AGPAT3: variants seen among roughly 807,000 people sequenced by gnomAD.
AGPAT3 encodes the protein 1-acyl-sn-glycerol-3-phosphate acyltransferase gamma.
Under a neutral mutation model 47.3 loss-of-function variants are expected in AGPAT3, and 5 were observed. The ratio of observed to expected loss-of-function variants is 0.11; its 90% CI spans 0.06 to 0.22. The LOEUF (loss-of-function observed/expected upper bound fraction) is 0.22, where lower values mean the gene tolerates loss of function less well. Among genes scored for constraint, AGPAT3 ranks in the 10% least tolerant of loss-of-function variants. AGPAT3 has a pLI of 1.00. For synonymous variants in AGPAT3, 212 were observed against 208.3 expected, an observed-to-expected ratio of 1.02 and a Z score of -0.15; for missense variants, 315 against 493.0, an observed-to-expected ratio of 0.64 and a Z score of 3.42.
At position 43,929,419 on chromosome 21, in the gene AGPAT3, C is replaced by T. The variant is rs572941948; in HGVS notation, c.-49+25400C>T. 7.9e-5 allele frequency among the ~76,000 whole-genome samples: 12 copies of T among 152,346 alleles called. No individual in the cohort carries two copies. The East Asian group carries it at 1.7e-3, about 22-fold the overall frequency. ...TCCTGGAGCCTCTGCCACCACGGCC[C>T]GTGCTGACCCCAGAGCGAGTCAAAG... On this transcript the variant is annotated intron_variant, in intron 2 of 9. Transcript: ENST00000291572.
intron 1 of AGPAT3, among the ~76,000 whole-genome samples, chr21:43,894,395 A>AT (rs369924470): frequency 0.13 from 17,297 of 136,980 alleles, 1,981 homozygotes; most frequent in African/African-American, 0.32. Flanking sequence ...TGGGTTTTCT[A>AT]TTTTTTTTTT....
intron 3 of AGPAT3, chr21:43,966,788 C>G (rs568536426): frequency 4.6e-5 from 7 of 152,382 alleles, no homozygotes; most frequent in Admixed American, 4.6e-4. Flanking sequence ...CACTTCAGAG[C>G]TGGGCTGGTG....
At chr21:43,931,030 C>T (rs2146278457) in intron 2 of AGPAT3, among the ~76,000 whole-genome samples, 1 of 152,254 alleles carries the variant, frequency 6.6e-6, no homozygotes, top group South Asian at 2.1e-4. Flanking sequence ...GCGTGGGGCC[C>T]TGGGGTGGGT....
At chr21:43,878,367 C>T (rs1569041807) in intron 1 of AGPAT3, among the ~76,000 whole-genome samples, 1 of 152,242 alleles carries the variant, frequency 6.6e-6, no homozygotes, top group African/African-American at 2.4e-5. Flanking sequence ...TCTGTCTCTG[C>T]GGCCTGCCCG....
chr21:43,906,070 T>C (rs2086486312), intron 2 of AGPAT3, among the ~76,000 whole-genome samples: 1 of 152,230 alleles, frequency 6.6e-6, no homozygotes, highest in Non-Finnish European at 1.5e-5. Context: ...GTTCCCTTTC[T>C]GGGGACAGGG....
intron 1 of AGPAT3, 192 bp from the exon 2 acceptor site, chr21:43,903,765 T>C (rs8132847): frequency 0.11 from 16,167 of 152,392 alleles, 1,655 homozygotes; most frequent in African/African-American, 0.27. Flanking sequence ...GTGCCAGCAA[T>C]GCCCTGAATG....
At chr21:43,948,690 C>A (rs1192923437) in intron 2 of AGPAT3, among the ~76,000 whole-genome samples, 1 of 152,224 alleles carries the variant, frequency 6.6e-6, no homozygotes, top group African/African-American at 2.4e-5. Context: ...GTTGAGAAAA[C>A]AGGCAATGCT....
intron 7 of AGPAT3, among the ~76,000 whole-genome samples, chr21:43,971,770 T>C (rs1315687731): frequency 6.6e-6 from 1 of 152,164 alleles, no homozygotes; most frequent in African/African-American, 2.4e-5. Context: ...TTTCATTCCT[T>C]TGGGGAAATC....
chr21:43,936,798 C>T (rs780500882), intron 2 of AGPAT3, among the ~76,000 whole-genome samples: 10 of 152,248 alleles, frequency 6.6e-5, no homozygotes, highest in Non-Finnish European at 1.5e-4. Context: ...GTGTCAGCTC[C>T]GCCTAAAGCG....
intron 2 of AGPAT3, among the ~76,000 whole-genome samples, chr21:43,918,445 A>G (rs2086808252): frequency 1.3e-5 from 2 of 152,092 alleles, no homozygotes; most frequent in African/African-American, 2.4e-5. Flanking sequence ...CTAAAGGGCT[A>G]TGTAGGAAGT....
At chr21:43,925,651 C>T (rs1044205101) in intron 2 of AGPAT3, among the ~76,000 whole-genome samples, 6 of 152,216 alleles carry the variant, frequency 3.9e-5, no homozygotes, top group Non-Finnish European at 8.8e-5. Flanking sequence ...CCTCCAGCTC[C>T]GCTCTGTCCC....
chr21:43,915,336 G>A (rs944213051), intron 2 of AGPAT3, among the ~76,000 whole-genome samples: 10 of 149,224 alleles, frequency 6.7e-5, no homozygotes, highest in Admixed American at 4.7e-4. Flanking sequence ...ACAGGCATGA[G>A]CCACTGCGCC....
At chr21:43,960,344 T>C (rs1202626499) in intron 3 of AGPAT3, among the ~76,000 whole-genome samples, 1 of 152,208 alleles carries the variant, frequency 6.6e-6, no homozygotes, top group East Asian at 1.9e-4. Flanking sequence ...ATGTGTATTA[T>C]ACATAGAGAA....
chr21:43,929,691 T>C (rs1179637482), intron 2 of AGPAT3, among the ~76,000 whole-genome samples: 1 of 152,188 alleles, frequency 6.6e-6, no homozygotes, highest in Non-Finnish European at 1.5e-5. Flanking sequence ...GGCCTGTGGA[T>C]GCTGCTCCTT....
rs1225442124 is a variant in AGPAT3 at position 43,939,091 on chromosome 21, G to A, written c.-48-20543G>A. Among the ~76,000 whole-genome samples the A allele has an allele frequency of 2.6e-5, 4 of 152,218 alleles. No homozygotes were observed. The highest frequency in any genetic ancestry group is 9.6e-5 in the African/African-American group (4 of 41,452). On this transcript the variant is annotated intron_variant, in intron 2 of 9. Transcript: ENST00000291572. The surrounding 1 kb of genome is among the most constrained non-coding windows in gnomAD (Gnocchi z 4.4). ...GGGACGGGGCTGCGACCAGGCTAGG[G>A]GAGCATCCTGGGCAAACCCTGCTGG...
At chr21:43,971,314 A>G in intron 6 of AGPAT3, 74 bp from the exon 7 acceptor site, 1 of 1,370,886 alleles carries the variant, frequency 7.3e-7, no homozygotes, top group South Asian at 1.2e-5. Flanking sequence ...CCCAGGTGGA[A>G]CTTGCTTTTC....
Position 43,934,234 on chromosome 21 carries a change from G to A in AGPAT3, c.-48-25400G>A, listed in dbSNP as rs546099094. ...CCCTGAGAACCAGCTCCCTGAGCAC[G>A]CCAGCCCCCCAAGGACCAGCTCCCA... On this transcript the variant is annotated intron_variant, in intron 2 of 9. Transcript: ENST00000291572. This position sits in a 1 kb window ranked among gnomAD's most constrained non-coding sequence, Gnocchi z 4.7. Among the ~76,000 whole-genome samples, 189 of 152,318 alleles carry A rather than the reference G, an allele frequency of 1.2e-3. No homozygotes were observed. The highest frequency in any genetic ancestry group is 1.9e-3 in the Non-Finnish European group (129 of 68,026).
chr21:43,968,456 T>C (rs1601452478), intron 4 of AGPAT3, among the ~76,000 whole-genome samples: 1 of 146,388 alleles, frequency 6.8e-6, no homozygotes, highest in Non-Finnish European at 1.5e-5. Flanking sequence ...GTGGGGGAGG[T>C]ACTGGGTGGA....
intron 8 of AGPAT3, among the ~76,000 whole-genome samples, chr21:43,979,489 G>A (rs2089764195): frequency 6.6e-6 from 1 of 152,102 alleles, no homozygotes; most frequent in South Asian, 2.1e-4. Flanking sequence ...GGAAACAGAA[G>A]ATAAAGATTT....
Sources: gnomAD v4.1 joint callset for allele counts (sites outside exome capture counted in the v4.1 genomes callset) on GRCh38, gnomAD v4.1.1 for gene constraint, Gnocchi (gnomAD v3.1) non-coding constraint, MANE v1.5 for transcripts, NCBI Gene and HGNC (gene_info 2026-07-23, HGNC 2026-07-21) for gene names.